Variants in ARID1B observed in about 807,000 individuals in gnomAD.
The protein encoded by ARID1B is AT-rich interaction domain 1B, also known as AT-rich interactive domain-containing protein 1B.
Under a neutral mutation model 212.3 loss-of-function variants are expected in ARID1B, and 30 were observed. That is an observed-to-expected ratio of 0.14 (90% CI 0.11 to 0.19). The LOEUF (loss-of-function observed/expected upper bound fraction) is 0.19. ARID1B is among the 10% of genes least tolerant of loss of function. The probability of loss-of-function intolerance (pLI) is 1.00; values close to 1 mark genes in which losing one functional copy is unlikely to be tolerated. For missense variants in ARID1B, 2,891 were observed against 3,204.0 expected, an observed-to-expected ratio of 0.90 and a Z score of 2.36; for synonymous variants, 1,402 against 1,301.7, an observed-to-expected ratio of 1.08 and a Z score of -1.66.
intron 4 of ARID1B, among the ~76,000 whole-genome samples, chr6:157,004,472 A>C (rs1295393045): frequency 6.6e-6 from 1 of 152,176 alleles, no homozygotes; most frequent in African/African-American, 2.4e-5. Context: ...TGATTTTCCG[A>C]AGTGTAATTT....
chr6:156,812,176 G>A (rs1483417526), intron 1 of ARID1B, among the ~76,000 whole-genome samples: 1 of 152,138 alleles, frequency 6.6e-6, no homozygotes, highest in African/African-American at 2.4e-5. Flanking sequence ...TTGTCGCTCA[G>A]GCTGGTGTGT....
chr6:157,110,978 T>TA (rs1786865688), intron 6 of ARID1B: 1 of 177,396 alleles, frequency 5.6e-6, no homozygotes, highest in African/African-American at 2.3e-5. Flanking sequence ...AATAGTAAGA[T>TA]TTTAAACCCA....
At chr6:156,870,009 G>A (rs918675832) in intron 2 of ARID1B, 37 of 152,202 alleles carry the variant, frequency 2.4e-4, no homozygotes, top group African/African-American at 8.5e-4. Context: ...CAGTGGCTGG[G>A]GCAGGGTGGG....
chr6:157,173,924 T>G, intron 9 of ARID1B, 84 bp from the exon 10 acceptor site: 1 of 1,191,600 alleles, frequency 8.4e-7, no homozygotes, highest in Non-Finnish European at 1.2e-6. Flanking sequence ...GGCCTCCTGC[T>G]TCACTCTGTA....
At chr6:157,044,862 A>C (rs1351090136) in intron 4 of ARID1B, among the ~76,000 whole-genome samples, 1 of 152,222 alleles carries the variant, frequency 6.6e-6, no homozygotes, top group East Asian at 1.9e-4. Flanking sequence ...CACAGTGCAT[A>C]GAGAGAGGCG....
chr6:156,887,700 G>A (rs1787621331), intron 2 of ARID1B, among the ~76,000 whole-genome samples: 1 of 151,988 alleles, frequency 6.6e-6, no homozygotes, highest in African/African-American at 2.4e-5. Context: ...CAGAGAGTGG[G>A]CTTTTGACTC....
At chr6:156,788,911 G>A (rs1779832661) in intron 1 of ARID1B, among the ~76,000 whole-genome samples, 1 of 152,142 alleles carries the variant, frequency 6.6e-6, no homozygotes, top group Non-Finnish European at 1.5e-5. Context: ...GAGTAAAGAT[G>A]ACATATGATC....
chr6:157,150,047 C>T (rs1790086442), intron 8 of ARID1B: 1 of 152,246 alleles, frequency 6.6e-6, no homozygotes. Flanking sequence ...GCCGAACCTA[C>T]ACAGGCTTTA....
intron 4 of ARID1B, among the ~76,000 whole-genome samples, chr6:157,066,719 A>G (rs941008104): frequency 9.2e-5 from 14 of 152,126 alleles, no homozygotes; most frequent in African/African-American, 3.4e-4. Flanking sequence ...AGTGGGAGAG[A>G]TTTCATTTTC....
At chr6:156,915,831 G>A (rs981548400) in intron 3 of ARID1B, among the ~76,000 whole-genome samples, 4 of 151,810 alleles carry the variant, frequency 2.6e-5, no homozygotes, top group African/African-American at 9.7e-5. Flanking sequence ...GGGAGGCAGA[G>A]GTTGTAATGA....
chr6:157,135,724 A>G (rs1788858905), intron 7 of ARID1B, among the ~76,000 whole-genome samples: 1 of 152,240 alleles, frequency 6.6e-6, no homozygotes. Context: ...GTTGAGTTCA[A>G]TAAATACTCT....
At chr6:157,147,220 G>T (rs1449969829) in intron 7 of ARID1B, among the ~76,000 whole-genome samples, 13 of 4,300 alleles carry the variant, frequency 3.0e-3, no homozygotes, top group East Asian at 6.6e-3. Context: ...CCTGCCCTCC[G>T]TCCCTCACCT....
chr6:156,914,245 G>T (rs1790165988), intron 3 of ARID1B, among the ~76,000 whole-genome samples: 1 of 152,160 alleles, frequency 6.6e-6, no homozygotes, highest in African/African-American at 2.4e-5. Flanking sequence ...CCACTTCTGA[G>T]ATTACCTTTC....
intron 4 of ARID1B, among the ~76,000 whole-genome samples, chr6:157,058,534 G>T (rs181735999): frequency 3.8e-4 from 58 of 152,244 alleles, no homozygotes; most frequent in African/African-American, 1.2e-3. Context: ...CAAAGTGCTG[G>T]GATTACAGGC....
intron 4 of ARID1B, chr6:157,071,612 G>A (rs889486271): frequency 6.6e-6 from 1 of 152,232 alleles, no homozygotes; most frequent in Non-Finnish European, 1.5e-5. Flanking sequence ...GGCGCTACCT[G>A]TACCTGAAGC....
intron 2 of ARID1B, among the ~76,000 whole-genome samples, chr6:156,892,358 T>C (rs1788011443): frequency 6.6e-6 from 1 of 152,138 alleles, no homozygotes; most frequent in African/African-American, 2.4e-5. Context: ...AATGAAAACA[T>C]AAAAACTCAC....
intron 2 of ARID1B, among the ~76,000 whole-genome samples, chr6:156,885,178 A>G (rs145307238): frequency 7.8e-4 from 119 of 152,332 alleles, no homozygotes; most frequent in Non-Finnish European, 1.4e-3. Flanking sequence ...AGTTATCCTT[A>G]TATGTCACTG....
intron 5 of ARID1B, among the ~76,000 whole-genome samples, chr6:157,101,871 A>G (rs996723477): frequency 6.6e-6 from 1 of 152,178 alleles, no homozygotes; most frequent in African/African-American, 2.4e-5. Context: ...TGCTATCTTG[A>G]CTAATCATGT....
At chr6:156,882,762 C>T (rs1036879601) in intron 2 of ARID1B, among the ~76,000 whole-genome samples, 13 of 152,124 alleles carry the variant, frequency 8.5e-5, no homozygotes, top group African/African-American at 2.9e-4. Flanking sequence ...CTTTGTATAA[C>T]GTCTTGCTAT....
Sources: allele counts gnomAD v4.1 joint callset (sites outside exome capture counted in the v4.1 genomes callset), GRCh38; gene constraint gnomAD v4.1.1; transcripts MANE v1.5; gene names NCBI Gene and HGNC (gene_info 2026-07-23, HGNC 2026-07-21).